The following TYW1B variants were observed in gnomAD, a reference collection of about 807,000 sequenced individuals.
TYW1B encodes the protein tRNA-yW synthesizing protein 1 homolog B, also known as S-adenosyl-L-methionine-dependent tRNA 4-demethylwyosine synthase TYW1B.
Under a neutral mutation model 86.9 loss-of-function variants are expected in TYW1B, and 73 were observed. That is an observed-to-expected ratio of 0.84 (90% CI 0.70 to 1.02). TYW1B has a LOEUF of 1.02. TYW1B is among the 50% of genes least tolerant of loss of function. The probability of loss-of-function intolerance (pLI) is 0.00; values close to 1 mark genes in which losing one functional copy is unlikely to be tolerated. For synonymous variants in TYW1B, 248 were observed against 292.8 expected, an observed-to-expected ratio of 0.85 and a Z score of 1.56; for missense variants, 637 against 827.4, an observed-to-expected ratio of 0.77 and a Z score of 2.82.
chr7:72,770,839 G>T (rs1554469428), intron 7 of TYW1B, among the ~76,000 whole-genome samples: 1 of 151,586 alleles, frequency 6.6e-6, no homozygotes, highest in Non-Finnish European at 1.5e-5. Context: ...AAAAGTGAAT[G>T]AACTACTGAT....
intron 7 of TYW1B, among the ~76,000 whole-genome samples, chr7:72,759,160 G>A (rs1484054735): frequency 1.3e-5 from 2 of 152,084 alleles, no homozygotes; most frequent in Non-Finnish European, 2.9e-5. Flanking sequence ...GCGAAACCTC[G>A]TATCTACCAA....
At chr7:72,750,254 A>G (rs1787477305) in intron 7 of TYW1B, among the ~76,000 whole-genome samples, 1 of 152,174 alleles carries the variant, frequency 6.6e-6, no homozygotes, top group South Asian at 2.1e-4. Flanking sequence ...CATGTCTGCT[A>G]GCAACAAATT....
intron 6 of TYW1B, among the ~76,000 whole-genome samples, chr7:72,784,661 C>T (rs538379143): frequency 6.6e-6 from 1 of 152,224 alleles, no homozygotes; most frequent in African/African-American, 2.4e-5. Context: ...CCACATCCCG[C>T]TAACTTTTGT....
chr7:72,721,755 GT>G, intron 9 of TYW1B, among the ~76,000 whole-genome samples: 1 of 152,088 alleles, frequency 6.6e-6, no homozygotes, highest in East Asian at 1.9e-4. Context: ...AGTTCTTTGG[GT>G]TTTTTGGTTA....
rs1554439414 is a variant in TYW1B, at chr7:72,628,982, A to C, written c.1522T>G (p.Tyr508Asp). Residue 508 changes from tyrosine to aspartate, a missense_variant, in exon 12 of 14, where the codon TAC becomes GAC. Tyr to Asp is a radical substitution (Grantham distance 160). Coordinates refer to ENST00000620995, the MANE Select transcript of TYW1B (RefSeq NM_001145440.3). ...CATGCTTTCACGAGCATCAGTCTGT[A>C]GACAGTTCGTTGTTGCTAAAACAAA... ...ALAVKQQRTVYRLMLVKAWNV... is the reference protein window; with the variant it reads ...ALAVKQQRTVDRLMLVKAWNV... The C allele has an allele frequency of 6.3e-7, 1 of 1,586,000 alleles. No individual in the cohort carries two copies. The highest frequency in any genetic ancestry group is 1.1e-5 in the South Asian group (1 of 87,556).
At chr7:72,804,564 G>A (rs1162156884) in intron 5 of TYW1B, among the ~76,000 whole-genome samples, 2 of 151,990 alleles carry the variant, frequency 1.3e-5, no homozygotes, top group Non-Finnish European at 2.9e-5. Flanking sequence ...CAAGCTGGGT[G>A]CAGTGGCTCA....
chr7:72,655,156 T>C (rs1179371360), intron 11 of TYW1B, among the ~76,000 whole-genome samples: 1 of 151,818 alleles, frequency 6.6e-6, no homozygotes, highest in Non-Finnish European at 1.5e-5. Context: ...TAAGAGACAA[T>C]ATGGGATTTT....
chr7:72,705,684 A>G lies in TYW1B; in HGVS notation c.1370+7937T>C, dbSNP rs571337052. Reference sequence around the variant, plus strand: ...GTTTGTGAGTCTACAAATGACTACAAATTTGACTCTGAACTCTGGCACACT... The same window carrying G: ...GTTTGTGAGTCTACAAATGACTACAGATTTGACTCTGAACTCTGGCACACT... On this transcript the variant is annotated intron_variant, in intron 10 of 13. Transcript: ENST00000620995. 2.6e-4 allele frequency among the ~76,000 whole-genome samples: 39 copies of G among 152,314 alleles called. 1 individual carries two copies. The highest frequency in any genetic ancestry group is 5.1e-4 in the Non-Finnish European group (35 of 68,020).
chr7:72,726,654 G>A (rs1448905314), intron 9 of TYW1B, among the ~76,000 whole-genome samples: 2 of 152,076 alleles, frequency 1.3e-5, no homozygotes, highest in African/African-American at 2.4e-5. Context: ...GTGAGGCACC[G>A]TGCCGAGCCT....
intron 7 of TYW1B, among the ~76,000 whole-genome samples, chr7:72,757,082 T>G (rs1440328622): frequency 6.6e-6 from 1 of 151,868 alleles, no homozygotes; most frequent in Admixed American, 6.6e-5. Context: ...CATATAACAA[T>G]GTCGGCCAGG....
intron 13 of TYW1B, among the ~76,000 whole-genome samples, chr7:72,601,537 CAT>C (rs1811666692): frequency 6.6e-6 from 1 of 151,970 alleles, no homozygotes; most frequent in Non-Finnish European, 1.5e-5. Context: ...AATTTGAAAA[CAT>C]ATTCACACAA....
intron 9 of TYW1B, among the ~76,000 whole-genome samples, chr7:72,716,443 C>T (rs1336908907): frequency 1.2e-4 from 19 of 152,224 alleles, no homozygotes; most frequent in Non-Finnish European, 1.9e-4. Flanking sequence ...ACCTTAACAA[C>T]AGTAACAAAG....
chr7:72,709,061 T>A (rs1814679804), intron 10 of TYW1B, among the ~76,000 whole-genome samples: 1 of 152,346 alleles, frequency 6.6e-6, no homozygotes, highest in South Asian at 2.1e-4. Context: ...CTGCTCTGTT[T>A]CAGAAAAAGG....
chr7:72,718,767 A>G (rs1554456735), intron 9 of TYW1B, among the ~76,000 whole-genome samples: 2 of 152,210 alleles, frequency 1.3e-5, no homozygotes, highest in Non-Finnish European at 2.9e-5. Flanking sequence ...TTCAAAAAGC[A>G]TATCATTAAC....
chr7:72,588,229 T>C (rs2960975), intron 13 of TYW1B, among the ~76,000 whole-genome samples: 2 of 152,360 alleles, frequency 1.3e-5, no homozygotes, highest in East Asian at 1.9e-4. Context: ...CCAAGTGCAA[T>C]TCTAAAAGTT....
chr7:72,781,384 C>A (rs1323622898), intron 6 of TYW1B, among the ~76,000 whole-genome samples: 1 of 152,154 alleles, frequency 6.6e-6, no homozygotes, highest in Admixed American at 6.6e-5. Flanking sequence ...GGCGTCACTT[C>A]GTTGCAAGAT....
At chr7:72,613,003 G>A (rs547219913) in intron 13 of TYW1B, among the ~76,000 whole-genome samples, 6,140 of 151,910 alleles carry the variant, frequency 0.04, 397 homozygotes, top group African/African-American at 0.14. Flanking sequence ...CACCTGCCTC[G>A]GTCTCCCAAA....
intron 5 of TYW1B, among the ~76,000 whole-genome samples, chr7:72,804,918 G>C (rs1408630044): frequency 6.6e-6 from 1 of 152,132 alleles, no homozygotes; most frequent in African/African-American, 2.4e-5. Flanking sequence ...CTTCTCCTTA[G>C]ACTCAAGTTT....
At chr7:72,630,050 AG>A (rs1230294557) in intron 11 of TYW1B, among the ~76,000 whole-genome samples, 3 of 152,040 alleles carry the variant, frequency 2.0e-5, no homozygotes, top group African/African-American at 7.2e-5. Context: ...AGGCCGAGGC[AG>A]GGGGATCACC....
Sources: gnomAD v4.1 joint callset for allele counts (sites outside exome capture counted in the v4.1 genomes callset) on GRCh38, gnomAD v4.1.1 for gene constraint, MANE v1.5 for transcripts, NCBI Gene and HGNC (gene_info 2026-07-23, HGNC 2026-07-21) for gene names.